TEX264: variants seen among roughly 807,000 people sequenced by gnomAD.
The protein encoded by TEX264 is testis expressed 264, ER-phagy receptor, also known as testis-expressed protein 264.
TEX264 carries 13 observed loss-of-function variants against 23.4 expected under a neutral mutation model. That is an observed-to-expected ratio of 0.56 (90% CI 0.36 to 0.88). The LOEUF (loss-of-function observed/expected upper bound fraction) is 0.88, where lower values mean the gene tolerates loss of function less well. Ranked by LOEUF, TEX264 falls within the 40% of genes least tolerant of loss-of-function variation. The pLI, the probability that TEX264 is intolerant of heterozygous loss-of-function variation, is 0.01. For synonymous variants in TEX264, 159 were observed against 170.0 expected, an observed-to-expected ratio of 0.94 and a Z score of 0.50; for missense variants, 340 against 406.8, an observed-to-expected ratio of 0.84 and a Z score of 1.41.
chr3:51,678,121 A>G (rs909486484), intron 2 of TEX264, among the ~76,000 whole-genome samples: 12 of 152,132 alleles, frequency 7.9e-5, no homozygotes, highest in Admixed American at 2.0e-4. Flanking sequence ...CCCTTGCATG[A>G]CTGGGGAAGG....
intron 2 of TEX264, chr3:51,682,427 T>C (rs1054417842): frequency 1.3e-5 from 2 of 152,280 alleles, no homozygotes; most frequent in African/African-American, 4.8e-5. Flanking sequence ...AGAGTGCCAC[T>C]GAGCCACGCT....
At chr3:51,681,043 G>C (rs1018803519) in intron 2 of TEX264, among the ~76,000 whole-genome samples, 1 of 152,214 alleles carries the variant, frequency 6.6e-6, no homozygotes, top group Non-Finnish European at 1.5e-5. Flanking sequence ...CACTTAGTGG[G>C]TGGTAGGCTT....
At chr3:51,692,847 A>C (rs1236858299) in intron 3 of TEX264, among the ~76,000 whole-genome samples, 1 of 152,210 alleles carries the variant, frequency 6.6e-6, no homozygotes, top group Non-Finnish European at 1.5e-5. Context: ...GCTCTAGCTG[A>C]GCTCTCCTTG....
rs749721785 is a variant in TEX264, at chr3:51,674,281, G to A, written c.-24G>A. On this transcript the variant is annotated 5_prime_UTR_variant, in exon 2 of 5. In the 5' UTR this introduces an upstream ATG that the reference lacks. Transcript: ENST00000341333. Reference sequence around the variant, plus strand: ...CTTTCTCCTTTGCAGCTGCCTTGAGGTGCAGTGTTGGGGATCCAGAGCCAT... The same window carrying A: ...CTTTCTCCTTTGCAGCTGCCTTGAGATGCAGTGTTGGGGATCCAGAGCCAT... The A allele has an allele frequency of 1.2e-6, 2 of 1,613,552 alleles. No individual in the cohort carries two copies. The highest frequency in any genetic ancestry group is 3.3e-5 in the Admixed American group (2 of 60,016).
chr3:51,676,545 A>G (rs1027782895), intron 2 of TEX264, among the ~76,000 whole-genome samples: 2 of 152,194 alleles, frequency 1.3e-5, no homozygotes, highest in African/African-American at 2.4e-5. Flanking sequence ...GCCTGAGAGC[A>G]CAGCCTTGAG....
intron 2 of TEX264, among the ~76,000 whole-genome samples, chr3:51,680,720 G>A (rs1334813607): frequency 6.6e-6 from 1 of 152,222 alleles, no homozygotes; most frequent in Non-Finnish European, 1.5e-5. Context: ...CTGATCTGGG[G>A]AGGAAGAGGA....
chr3:51,684,090 A>G, intron 2 of TEX264: 1 of 365,310 alleles, frequency 2.7e-6, no homozygotes, highest in Non-Finnish European at 5.1e-6. Flanking sequence ...GTGATGGTTC[A>G]GAGGTCCTCT....
intron 3 of TEX264, chr3:51,694,328 A>G (rs1559681039): frequency 6.6e-6 from 1 of 151,996 alleles, no homozygotes; most frequent in Non-Finnish European, 1.5e-5. Flanking sequence ...ACAGGGTTTC[A>G]CTATGTTGGC....
intron 2 of TEX264, among the ~76,000 whole-genome samples, chr3:51,676,932 G>A (rs1193486583): frequency 2.0e-5 from 3 of 152,202 alleles, no homozygotes; most frequent in East Asian, 3.9e-4. Flanking sequence ...GAAGACACCT[G>A]TGTCCCCATT....
At chr3:51,682,928 G>C (rs1176887355) in intron 2 of TEX264, 3 of 152,286 alleles carry the variant, frequency 2.0e-5, no homozygotes, top group African/African-American at 7.2e-5. Context: ...CTAAAAGGAA[G>C]GCCTGGGTTG....
At chr3:51,692,551 C>G (rs943738645) in intron 3 of TEX264, among the ~76,000 whole-genome samples, 9 of 152,242 alleles carry the variant, frequency 5.9e-5, no homozygotes, top group Non-Finnish European at 1.2e-4. Flanking sequence ...TGTCCTTCCC[C>G]TCTGGCAATT....
chr3:51,697,354 G>A (rs1703102096), intron 3 of TEX264, among the ~76,000 whole-genome samples: 1 of 152,188 alleles, frequency 6.6e-6, no homozygotes, highest in African/African-American at 2.4e-5. Flanking sequence ...AGGGAAGCTA[G>A]GGAGGTGGCT....
At chr3:51,684,183 G>A (rs967787931) in intron 2 of TEX264, 28 of 566,474 alleles carry the variant, frequency 4.9e-5, no homozygotes, top group Admixed American at 2.5e-4. Context: ...CACAGGGCAT[G>A]GCATGTTTGT....
chr3:51,690,737 C>T (rs1702798019), intron 3 of TEX264, among the ~76,000 whole-genome samples: 2 of 152,102 alleles, frequency 1.3e-5, no homozygotes, highest in African/African-American at 4.8e-5. Flanking sequence ...CAGTTATTTA[C>T]TGAGGTCTCT....
intron 2 of TEX264, among the ~76,000 whole-genome samples, chr3:51,679,408 G>T (rs1032503889): frequency 6.6e-6 from 1 of 152,202 alleles, no homozygotes; most frequent in Non-Finnish European, 1.5e-5. Context: ...CCTCCTGCAG[G>T]TTGTCTGGGC....
chr3:51,696,360 G>T (rs1342773457), intron 3 of TEX264, among the ~76,000 whole-genome samples: 1 of 152,170 alleles, frequency 6.6e-6, no homozygotes, highest in Non-Finnish European at 1.5e-5. Flanking sequence ...CTCTCCAAGG[G>T]CTCCCTGGGG....
intron 1 of TEX264, among the ~76,000 whole-genome samples, chr3:51,672,932 C>T (rs1338209868): frequency 1.3e-5 from 2 of 152,140 alleles, no homozygotes; most frequent in Non-Finnish European, 2.9e-5. Flanking sequence ...GTAGGACAGG[C>T]AGAAAAGAGA....
intron 2 of TEX264, among the ~76,000 whole-genome samples, chr3:51,676,883 C>T (rs762676110): frequency 3.9e-5 from 6 of 152,182 alleles, no homozygotes; most frequent in Non-Finnish European, 8.8e-5. Context: ...GTCAAGGTGG[C>T]CCTTCTGACC....
chr3:51,677,787 C>T (rs1215212222), intron 2 of TEX264, among the ~76,000 whole-genome samples: 2 of 152,166 alleles, frequency 1.3e-5, no homozygotes, highest in Non-Finnish European at 2.9e-5. Flanking sequence ...GAGCTGTTAG[C>T]CTTGTGCCCT....
Sources: allele counts gnomAD v4.1 joint callset (sites outside exome capture counted in the v4.1 genomes callset), GRCh38; gene constraint gnomAD v4.1.1; transcripts MANE v1.5; gene names NCBI Gene and HGNC (gene_info 2026-07-23, HGNC 2026-07-21).